BABAM2: variants seen among roughly 807,000 people sequenced by gnomAD.
The protein encoded by BABAM2 is BRISC and BRCA1-A complex member 2.
A neutral mutation model predicts 54.7 loss-of-function variants in BABAM2; 31 were observed. That is an observed-to-expected ratio of 0.57 (90% CI 0.43 to 0.77). The LOEUF is 0.77. Among genes scored for constraint, BABAM2 ranks in the 30% least tolerant of loss-of-function variants. The probability of loss-of-function intolerance (pLI) is 0.00; values close to 1 mark genes in which losing one functional copy is unlikely to be tolerated. For synonymous variants in BABAM2, 167 were observed against 162.9 expected, an observed-to-expected ratio of 1.03 and a Z score of -0.19; for missense variants, 364 against 455.8, an observed-to-expected ratio of 0.80 and a Z score of 1.83.
At chr2:28,017,235 C>T (rs1434728514) in intron 4 of BABAM2, among the ~76,000 whole-genome samples, 1 of 152,166 alleles carries the variant, frequency 6.6e-6, no homozygotes, top group Admixed American at 6.5e-5. Context: ...ATACTTGGTC[C>T]TCTTACAAAT....
intron 10 of BABAM2, among the ~76,000 whole-genome samples, chr2:28,264,126 C>A (rs1275525671): frequency 1.3e-5 from 2 of 152,164 alleles, no homozygotes; most frequent in African/African-American, 4.8e-5. Context: ...ACTAGTCTTT[C>A]CAGCTAGGCT....
In BABAM2 at chr2:28,315,421, T is replaced by TTTTC. The variant is rs751782457; in HGVS notation, c.1088+16933_1088+16934insCTTT. Among the ~76,000 whole-genome samples, 978 of 110,174 alleles carry TTTTC rather than the reference T, an allele frequency of 8.9e-3. 13 individuals are homozygous for TTTTC. Among genetic ancestry groups the TTTTC allele is most frequent in the African/African-American group, 0.013 (353 of 26,920 alleles). 72.3% of individuals were successfully genotyped at this position (110,174 alleles called of 152,430 possible). On this transcript the variant is annotated intron_variant, in intron 11 of 11. Transcript: ENST00000379624. ...GGTATTTCTTTGTGTGTGTGGTTCTTTTTTCTTTTCTTTTCTTTTCTTTTC... is the reference window on the plus strand; with the variant it reads ...GGTATTTCTTTGTGTGTGTGGTTCTTTTTCTTTTCTTTTCTTTTCTTTTCTTTTC...
intron 4 of BABAM2, chr2:28,013,342 C>G: frequency 2.2e-6 from 1 of 455,760 alleles, no homozygotes; most frequent in Non-Finnish European, 4.4e-6. Context: ...TAGAATTCCT[C>G]TGTTAGTTGG....
intron 11 of BABAM2, among the ~76,000 whole-genome samples, chr2:28,324,558 G>T (rs959635030): frequency 6.6e-6 from 1 of 151,830 alleles, no homozygotes; most frequent in African/African-American, 2.4e-5. Flanking sequence ...AGGATCACTT[G>T]AGCTCAGGAG....
intron 7 of BABAM2, among the ~76,000 whole-genome samples, chr2:28,222,904 T>C (rs937313791): frequency 1.3e-5 from 2 of 152,248 alleles, no homozygotes; most frequent in African/African-American, 2.4e-5. Context: ...TGAGGCACCC[T>C]GGCCCTGCTT....
chr2:27,937,222 A>G (rs1387241634), intron 3 of BABAM2, among the ~76,000 whole-genome samples: 1 of 152,238 alleles, frequency 6.6e-6, no homozygotes, highest in Admixed American at 6.5e-5. Context: ...CTACGTAGAT[A>G]GCTGTGATAT....
At chr2:28,096,524 A>G (rs979013284) in intron 6 of BABAM2, among the ~76,000 whole-genome samples, 3 of 152,124 alleles carry the variant, frequency 2.0e-5, no homozygotes, top group African/African-American at 7.2e-5. Flanking sequence ...GCAAATAATT[A>G]CCAAATCCTT....
At chr2:28,066,776 G>A (rs1308061550) in intron 6 of BABAM2, among the ~76,000 whole-genome samples, 3 of 152,162 alleles carry the variant, frequency 2.0e-5, no homozygotes, top group South Asian at 2.1e-4. Flanking sequence ...GAGTGAGGAC[G>A]CCACAGGGCC....
Position 28,200,222 on chromosome 2 carries a change from C to T in BABAM2, c.681-36980C>T, listed in dbSNP as rs183373890. On this transcript the variant is annotated intron_variant, in intron 7 of 11. Transcript: ENST00000379624. ...TGTATTTCTTCACTGAATTCCTTTC[C>T]CCTTATTAGTCATTGCTGACTCTCC... Among the ~76,000 whole-genome samples, 457 of 152,248 alleles carry T rather than the reference C, an allele frequency of 3.0e-3. 5 individuals are homozygous for T. Among genetic ancestry groups the T allele is most frequent in the African/African-American group, 0.01 (429 of 41,534 alleles).
intron 6 of BABAM2, among the ~76,000 whole-genome samples, chr2:28,109,835 G>A (rs1206205373): frequency 6.6e-6 from 1 of 152,004 alleles, no homozygotes; most frequent in Non-Finnish European, 1.5e-5. Flanking sequence ...ATATGCCATA[G>A]GTGCTTATTC....
rs1452514223 is a variant in BABAM2 at position 28,225,285 on chromosome 2, AGGGT to A, written c.681-11913_681-11910del. Among the ~76,000 whole-genome samples the A allele has an allele frequency of 3.9e-5, 6 of 152,310 alleles. No homozygotes were observed. The East Asian group carries it at 1.2e-3, about 29-fold the overall frequency. On this transcript the variant is annotated intron_variant, in intron 7 of 11. Transcript: ENST00000379624. ...GTTCCCAAAGACAGTCGGGCTAACA[AGGGT>A]GGGCGCCAGGGAGGAAGGATGGAGA...
chr2:28,167,905 C>T (rs562880710), intron 7 of BABAM2, among the ~76,000 whole-genome samples: 8 of 152,100 alleles, frequency 5.3e-5, no homozygotes, highest in Non-Finnish European at 1.0e-4. Context: ...TATTTCTACT[C>T]CTATAAGGTG....
chr2:27,920,059 A>C (rs1453723648), intron 2 of BABAM2, among the ~76,000 whole-genome samples: 1 of 152,190 alleles, frequency 6.6e-6, no homozygotes, highest in Admixed American at 6.5e-5. Context: ...GTCTAGCCAT[A>C]GTTTTTAGGC....
At chr2:28,285,844 C>T (rs1686748563) in intron 10 of BABAM2, among the ~76,000 whole-genome samples, 1 of 152,022 alleles carries the variant, frequency 6.6e-6, no homozygotes, top group South Asian at 2.1e-4. Context: ...GCTAGGATTA[C>T]AGGCATGAGC....
At chr2:28,127,377 C>CT (rs1234276282) in intron 6 of BABAM2, among the ~76,000 whole-genome samples, 1 of 152,022 alleles carries the variant, frequency 6.6e-6, no homozygotes, top group African/African-American at 2.4e-5. Flanking sequence ...AGTGGTTACC[C>CT]TTAGTGGGAA....
chr2:27,915,568 C>T (rs1349043901), intron 2 of BABAM2, among the ~76,000 whole-genome samples: 8 of 152,172 alleles, frequency 5.3e-5, no homozygotes, highest in East Asian at 3.8e-4. Flanking sequence ...ACCAAAAATA[C>T]GTGGATGGCA....
At chr2:28,074,775 G>A (rs1664500848) in intron 6 of BABAM2, among the ~76,000 whole-genome samples, 2 of 152,170 alleles carry the variant, frequency 1.3e-5, no homozygotes, top group Admixed American at 6.5e-5. Context: ...ACCAGGACCA[G>A]TGGAGGGTGC....
intron 7 of BABAM2, among the ~76,000 whole-genome samples, chr2:28,199,981 G>A (rs79509363): frequency 0.023 from 3,436 of 152,296 alleles, 126 homozygotes; most frequent in African/African-American, 0.078. Flanking sequence ...TAATGAAAGT[G>A]AACTGCTAAT....
At chr2:27,930,919 G>C (rs1048064487) in intron 3 of BABAM2, among the ~76,000 whole-genome samples, 14 of 152,148 alleles carry the variant, frequency 9.2e-5, no homozygotes, top group African/African-American at 3.1e-4. Flanking sequence ...TTCCTAAAAA[G>C]AAAAATAAAG....
Sources: allele counts gnomAD v4.1 joint callset (sites outside exome capture counted in the v4.1 genomes callset), GRCh38; gene constraint gnomAD v4.1.1; transcripts MANE v1.5; gene names NCBI Gene and HGNC (gene_info 2026-07-23, HGNC 2026-07-21).